Variants in KIT observed in about 807,000 individuals in gnomAD.
KIT encodes the protein mast/stem cell growth factor receptor Kit.
A neutral mutation model predicts 105.7 loss-of-function variants in KIT; 16 were observed. The ratio of observed to expected loss-of-function variants is 0.15; its 90% CI spans 0.10 to 0.23. KIT has a LOEUF of 0.23. Ranked by LOEUF, KIT falls within the 10% of genes least tolerant of loss-of-function variation. The pLI is 1.00. For synonymous variants in KIT, 438 were observed against 441.1 expected (o/e 0.99, Z 0.09); for missense variants, 858 against 1,213.8 (o/e 0.71, Z 4.36).
In KIT at chr4:54,727,419, C is replaced by T. The variant is rs1722299272; in HGVS notation, c.1651C>T (p.Pro551Ser). The change falls in exon 11 of 21, where the codon CCC becomes TCC. Residue 551 changes from proline to serine, a missense_variant. Physicochemically the swap from Pro to Ser is moderately conservative, Grantham distance 74. Transcript: ENST00000288135. ...MILTYKYLQK[P>S]MYEVQWKVVE... ...ATTTTTCCCTTTCTCCCCACAGAAACCCATGTATGAAGTACAGTGGAAGGT... is the reference window on the plus strand; with the variant it reads ...ATTTTTCCCTTTCTCCCCACAGAAATCCATGTATGAAGTACAGTGGAAGGT... The T allele has an allele frequency of 1.2e-6, 2 of 1,614,128 alleles. No individual in the cohort carries two copies. The highest frequency in any genetic ancestry group is 1.1e-5 in the South Asian group (1 of 91,082).
At position 54,678,341 on chromosome 4, in the gene KIT, C is replaced by A. The variant is rs983386607; in HGVS notation, c.68-17171C>A. On this transcript the variant is annotated intron_variant, in intron 1 of 20. Coordinates refer to ENST00000288135, the MANE Select transcript of KIT (RefSeq NM_000222.3). The stretch of plus-strand genomic sequence containing the variant: ...CCTTCCTTCCTTCCTTCCTTCCTTC[C>A]TTCCTTCCTTCCCTCCCTCCCTCCC... 5.7e-5 allele frequency among the ~76,000 whole-genome samples: 6 copies of A among 105,368 alleles called. 1 individual carries two copies. Among genetic ancestry groups the A allele is most frequent in the Non-Finnish European group, 1.1e-4 (6 of 53,240 alleles). The allele number at this position is 105,368 out of a possible 152,430, so 69.1% of individuals were successfully genotyped here.
chr4:54,681,901 A>G (rs1376822521), intron 1 of KIT, among the ~76,000 whole-genome samples: 4 of 151,938 alleles, frequency 2.6e-5, no homozygotes, highest in Non-Finnish European at 2.9e-5. Flanking sequence ...TTAGCTGGGC[A>G]TGGTGGCGGA....
chr4:54,707,050 A>G, intron 5 of KIT, 48 bp from the exon 6 acceptor site: 2 of 1,074,032 alleles, frequency 1.9e-6, no homozygotes, highest in Non-Finnish European at 2.8e-6. Flanking sequence ...TTTTTTGTCC[A>G]GTAGTTGTAG....
chr4:54,716,865 T>C (rs1381630375), intron 7 of KIT, among the ~76,000 whole-genome samples: 3 of 152,242 alleles, frequency 2.0e-5, no homozygotes, highest in Admixed American at 6.5e-5. Context: ...ACATACGATA[T>C]GGCAGATATA....
At chr4:54,731,286 T>C (rs1578000301) in intron 14 of KIT, 42 bp from the exon 15 acceptor site, 13 of 1,389,922 alleles carry the variant, frequency 9.4e-6, no homozygotes, top group Admixed American at 5.0e-5. Flanking sequence ...CCCTTCTACA[T>C]GTCCCACTTG....
At chr4:54,732,150 A>G (rs1722651985) in intron 16 of KIT, 152 bp downstream of exon 16, 2 of 868,432 alleles carry the variant, frequency 2.3e-6, no homozygotes. Context: ...GAGGAAATTT[A>G]GTTTCTTCAT....
intron 1 of KIT, among the ~76,000 whole-genome samples, chr4:54,661,530 A>G (rs576321995): frequency 2.0e-5 from 3 of 152,340 alleles, no homozygotes; most frequent in Admixed American, 1.3e-4. Flanking sequence ...CCTTCAAGGT[A>G]GTGGTCAAGG....
rs760581405 is a variant in KIT, at chr4:54,723,564, C to T, written c.1232-20C>T. ...GGTTTTCCAGCACTCTGACATATGG[C>T]CATTTCTGTTTTCCTGTAGCAAAAC... On this transcript the variant is annotated intron_variant, in intron 7 of 20. Transcript: ENST00000288135. 8 of 1,517,332 alleles carry T rather than the reference C, an allele frequency of 5.3e-6. No individual in the cohort carries two copies. The Admixed American group carries it at 1.0e-4, about 19-fold the overall frequency. 94.0% of individuals were successfully genotyped at this position (1,517,332 alleles called of 1,614,324 possible). A position where few individuals can be genotyped will look rare whatever the true frequency, so the allele number is the denominator to read the frequency against.
At chr4:54,723,754 A>G (rs748689045) in intron 8 of KIT, 56 bp downstream of exon 8, 8 of 1,009,266 alleles carry the variant, frequency 7.9e-6, no homozygotes, top group Non-Finnish European at 1.3e-5. Context: ...ACTGCAATTC[A>G]CTTGAATTTC....
intron 6 of KIT, 119 bp downstream of exon 6, chr4:54,707,406 T>G: frequency 2.6e-6 from 2 of 756,406 alleles, no homozygotes; most frequent in Non-Finnish European, 4.6e-6. Context: ...GAAGAAAGTC[T>G]GGGGCTGCCT....
intron 13 of KIT, 78 bp downstream of exon 13, chr4:54,728,199 C>A: frequency 9.3e-7 from 1 of 1,080,256 alleles, no homozygotes; most frequent in Non-Finnish European, 1.4e-6. Flanking sequence ...TTTGGCAATG[C>A]TAGATTATAA....
At chr4:54,710,457 G>A (rs116567486) in intron 7 of KIT, among the ~76,000 whole-genome samples, 2,004 of 152,302 alleles carry the variant, frequency 0.013, 52 homozygotes, top group African/African-American at 0.046. Context: ...CTTTATGTGT[G>A]TTGGGTTATA....
chr4:54,673,140 A>AT (rs1414916971), intron 1 of KIT, among the ~76,000 whole-genome samples: 1 of 151,896 alleles, frequency 6.6e-6, no homozygotes, highest in Admixed American at 6.6e-5. Context: ...TAGGTTGATT[A>AT]TTTTTTTTCC....
chr4:54,672,797 T>C (rs904450302), intron 1 of KIT, among the ~76,000 whole-genome samples: 1 of 152,182 alleles, frequency 6.6e-6, no homozygotes, highest in Non-Finnish European at 1.5e-5. Flanking sequence ...ATCATGGCTT[T>C]CCTGGCATTT....
At position 54,703,905 on chromosome 4, in the gene KIT, A is replaced by G. The variant is rs764619924; in HGVS notation, c.925+13A>G. On this transcript the variant is annotated intron_variant, in intron 5 of 20. Coordinates refer to ENST00000288135, the MANE Select transcript of KIT (RefSeq NM_000222.3). ...TTGGAAGTAGTAGGTAAATACCTCTATGGGAATGTTTAAATTACTGGCAGT... is the reference window on the plus strand; with the variant it reads ...TTGGAAGTAGTAGGTAAATACCTCTGTGGGAATGTTTAAATTACTGGCAGT... 56 of 1,600,678 alleles carry G rather than the reference A, an allele frequency of 3.5e-5. No individual in the cohort carries two copies. Among genetic ancestry groups the G allele is most frequent in the Admixed American group, 2.2e-4 (13 of 59,984 alleles).
intron 1 of KIT, among the ~76,000 whole-genome samples, chr4:54,683,374 C>G (rs1719085168): frequency 1.3e-5 from 2 of 152,104 alleles, no homozygotes; most frequent in South Asian, 2.1e-4. Flanking sequence ...CGGTGGCTCA[C>G]ACCTGTAATT....
intron 16 of KIT, among the ~76,000 whole-genome samples, chr4:54,732,238 C>T (rs1160061789): frequency 1.3e-5 from 2 of 151,770 alleles, no homozygotes; most frequent in Admixed American, 1.3e-4. Context: ...ATGAGTTTTT[C>T]TATGAATATT....
chr4:54,674,019 C>T (rs1718296797), intron 1 of KIT, among the ~76,000 whole-genome samples: 1 of 152,188 alleles, frequency 6.6e-6, no homozygotes, highest in Admixed American at 6.5e-5. Context: ...AATTCAGCCG[C>T]CTTGGCCTCC....
intron 7 of KIT, among the ~76,000 whole-genome samples, chr4:54,717,472 A>C (rs1398645104): frequency 6.6e-6 from 1 of 152,096 alleles, no homozygotes; most frequent in Non-Finnish European, 1.5e-5. Context: ...CCATTTTTTT[A>C]TGTTGATGGT....
Sources: allele counts gnomAD v4.1 joint callset (sites outside exome capture counted in the v4.1 genomes callset), GRCh38; gene constraint gnomAD v4.1.1; transcripts MANE v1.5; gene names NCBI Gene and HGNC (gene_info 2026-07-23, HGNC 2026-07-21).